The following DMD variants were observed in gnomAD, a reference collection of about 807,000 sequenced individuals.
DMD encodes mutant dystrophin.
DMD carries 63 observed loss-of-function variants against 330.1 expected under a neutral mutation model. The ratio of observed to expected loss-of-function variants is 0.19; its 90% confidence interval spans 0.16 to 0.24. The LOEUF is 0.24. DMD is among the 10% of genes least tolerant of loss of function. The pLI is 1.00. For missense variants in DMD, 3,344 were observed against 2,684.1 expected, an observed-to-expected ratio of 1.25 and a Z score of -5.43; for synonymous variants, 1,223 against 959.8, an observed-to-expected ratio of 1.27 and a Z score of -5.07.
intron 63 of DMD, among the ~76,000 whole-genome samples, chrX:31,223,859 T>C (rs1182697019): frequency 2.7e-5 from 3 of 112,692 alleles, no homozygotes; most frequent in Non-Finnish European, 5.6e-5. Context: ...TGTCTATGTG[T>C]GTGATATGTA....
intron 55 of DMD, among the ~76,000 whole-genome samples, chrX:31,526,402 T>C (rs1250572129): frequency 8.9e-6 from 1 of 111,849 alleles, no homozygotes; most frequent in Non-Finnish European, 1.9e-5. Flanking sequence ...CAAAAATCAC[T>C]TGCAAATAAA....
intron 45 of DMD, among the ~76,000 whole-genome samples, chrX:31,954,620 G>C (rs1033100696): frequency 9.0e-6 from 1 of 110,906 alleles, no homozygotes; most frequent in African/African-American, 3.3e-5. Flanking sequence ...ATTATTTTAA[G>C]TAAGGTAAAC....
chrX:32,012,745 T>C (rs2095720478), intron 44 of DMD, among the ~76,000 whole-genome samples: 1 of 105,752 alleles, frequency 9.5e-6, no homozygotes, highest in Non-Finnish European at 2.1e-5. Context: ...AGTGATAATC[T>C]ATTATCCAAA....
At chrX:32,306,664 TATTTC>T (rs767331844) in intron 42 of DMD, among the ~76,000 whole-genome samples, 21 of 110,802 alleles carry the variant, frequency 1.9e-4, no homozygotes, top group African/African-American at 6.9e-4. Context: ...CTCCTTATTT[TATTTC>T]TTTTCTTCAA....
At chrX:32,817,190 C>G (rs145980417) in intron 5 of DMD, among the ~76,000 whole-genome samples, 2,044 of 111,156 alleles carry the variant, frequency 0.018, 53 homozygotes, top group African/African-American at 0.062. Flanking sequence ...GATAAAACCC[C>G]TGATTTCATA....
Position 32,303,708 on chromosome X carries a change from G to T in DMD, c.6117+6374C>A, listed in dbSNP as rs543969557. On this transcript the variant is annotated intron_variant, in intron 42 of 78. Transcript: ENST00000357033. ...TTGTGACAGCGGCCGTTGGGGAGTA[G>T]ATCTATCTTAAAATGGAAAAAGAGA... 3.6e-5 allele frequency among the ~76,000 whole-genome samples: 4 copies of T among 110,243 alleles called. No homozygotes were observed. The East Asian group carries it at 1.1e-3, about 32-fold the overall frequency.
intron 7 of DMD, among the ~76,000 whole-genome samples, chrX:32,735,890 G>C (rs913286073): frequency 9.0e-6 from 1 of 111,667 alleles, no homozygotes; most frequent in African/African-American, 3.3e-5. Flanking sequence ...CAAAAGCAAT[G>C]GCAACAAAAG....
intron 43 of DMD, among the ~76,000 whole-genome samples, chrX:32,273,121 G>A (rs1023328513): frequency 4.5e-5 from 5 of 110,951 alleles, no homozygotes; most frequent in African/African-American, 1.6e-4. Context: ...AGGTACCTAG[G>A]GAAATGATGA....
intron 1 of DMD, among the ~76,000 whole-genome samples, chrX:33,052,955 C>CA (rs1204072118): frequency 1.8e-5 from 2 of 111,624 alleles, no homozygotes; most frequent in South Asian, 3.7e-4. Flanking sequence ...TATGTACCCA[C>CA]AAAAAAATTA....
rs1800266 is a variant in DMD at position 32,645,018 on chromosome X, T to G, written c.1095A>C (p.Gln365His). Residue 365 changes from glutamine (Q) to histidine (H), a missense_variant, in exon 10 of 79, where the codon CAA (glutamine) becomes CAC (histidine). Physicochemically the swap from Gln to His is conservative, Grantham distance 24. Transcript: ENST00000357033. ...CTTCCACATCATTAGAAATCTCTCC[T>G]TGTGCTTGCAATGTGTCCTCAGCAG... ...LLSAEDTLQAQGEISNDVEVV... is the reference protein window; with the variant it reads ...LLSAEDTLQAHGEISNDVEVV... 5.0e-4 allele frequency: 608 copies of G among 1,209,990 alleles called. 3 individuals carry two copies. In the Middle Eastern group the frequency reaches 5.7e-3, roughly 11 times the overall value.
At chrX:32,451,997 G>A (rs1490640689) in intron 26 of DMD, among the ~76,000 whole-genome samples, 1 of 109,749 alleles carries the variant, frequency 9.1e-6, no homozygotes, top group East Asian at 2.9e-4. Context: ...TTCAAGGATG[G>A]TTTTCAAATT....
intron 1 of DMD, among the ~76,000 whole-genome samples, chrX:33,288,247 T>C (rs1043135475): frequency 9.0e-5 from 10 of 111,548 alleles, no homozygotes; most frequent in African/African-American, 3.3e-4. Flanking sequence ...AGATCTCACA[T>C]TGGGCCTTTA....
intron 1 of DMD, among the ~76,000 whole-genome samples, chrX:33,104,038 T>G (rs1426176644): frequency 9.0e-6 from 1 of 111,709 alleles, no homozygotes; most frequent in East Asian, 2.8e-4. Flanking sequence ...AGAATATCAG[T>G]AGATTTTAGC....
intron 7 of DMD, among the ~76,000 whole-genome samples, chrX:32,737,408 A>G (rs955781616): frequency 5.4e-5 from 6 of 110,842 alleles, no homozygotes; most frequent in East Asian, 2.9e-4. Context: ...AACTTCCCCA[A>G]TGTTTTTACT....
At chrX:31,977,216 T>C (rs5971605) in intron 44 of DMD, among the ~76,000 whole-genome samples, 24,333 of 111,376 alleles carry the variant, frequency 0.22, 1,963 homozygotes, top group South Asian at 0.39. Context: ...TGTTGATAAA[T>C]TGAGCAGAAA....
chrX:31,443,247 C>T (rs931266401), intron 60 of DMD, among the ~76,000 whole-genome samples: 4 of 110,852 alleles, frequency 3.6e-5, no homozygotes, highest in South Asian at 4.0e-4. Flanking sequence ...AGAAGGTAGA[C>T]GCACCTCTTC....
At chrX:33,100,041 G>A (rs921345019) in intron 1 of DMD, among the ~76,000 whole-genome samples, 5 of 111,950 alleles carry the variant, frequency 4.5e-5, no homozygotes, top group African/African-American at 1.6e-4. Context: ...ACTATCTATA[G>A]GTAATATTTA....
At chrX:32,577,396 A>T (rs1334485431) in intron 13 of DMD, among the ~76,000 whole-genome samples, 2 of 112,670 alleles carry the variant, frequency 1.8e-5, no homozygotes, top group East Asian at 5.5e-4. Context: ...GTAATACAAA[A>T]GACAATTAAG....
chrX:31,298,924 C>T (rs759300667), intron 62 of DMD, among the ~76,000 whole-genome samples: 7 of 112,292 alleles, frequency 6.2e-5, no homozygotes, highest in Non-Finnish European at 9.4e-5. Context: ...TAAATATCTT[C>T]TGAGAGAGTT....
Sources: gnomAD v4.1 joint callset for allele counts (sites outside exome capture counted in the v4.1 genomes callset) on GRCh38, gnomAD v4.1.1 for gene constraint, MANE v1.5 for transcripts, NCBI Gene and HGNC (gene_info 2026-07-23, HGNC 2026-07-21) for gene names.